Variants in SLC1A1 observed in about 807,000 individuals in gnomAD.
SLC1A1 encodes solute carrier family 1 member 1.
In SLC1A1, 43 loss-of-function variants were observed where a neutral mutation model predicts 53.3. The observed-to-expected ratio is 0.81, with a 90% CI of 0.63 to 1.04. The LOEUF (loss-of-function observed/expected upper bound fraction) is 1.04. SLC1A1 is among the 50% of genes least tolerant of loss of function. SLC1A1 has a pLI of 0.00. For missense variants in SLC1A1, 748 were observed against 664.9 expected (o/e 1.12, Z -1.37); for synonymous variants, 307 against 243.2 (o/e 1.26, Z -2.44).
At chr9:4,577,729 A>G (rs1257717018) in intron 10 of SLC1A1, among the ~76,000 whole-genome samples, 1 of 152,004 alleles carries the variant, frequency 6.6e-6, no homozygotes, top group Non-Finnish European at 1.5e-5. Flanking sequence ...CCCACCTCAG[A>G]CTCCCAAAGT....
chr9:4,514,613 G>A (rs566177396), intron 1 of SLC1A1, among the ~76,000 whole-genome samples: 20 of 152,172 alleles, frequency 1.3e-4, no homozygotes, highest in African/African-American at 4.1e-4. Flanking sequence ...AGACATGAGC[G>A]CAGGGCAGAA....
At chr9:4,571,806 G>A (rs12336560) in intron 6 of SLC1A1, among the ~76,000 whole-genome samples, 2,475 of 152,244 alleles carry the variant, frequency 0.016, 71 homozygotes, top group African/African-American at 0.056. Context: ...GTTCACACTG[G>A]TAAGTATTCT....
At chr9:4,521,588 C>G (rs187605091) in intron 1 of SLC1A1, among the ~76,000 whole-genome samples, 5 of 152,250 alleles carry the variant, frequency 3.3e-5, no homozygotes, top group Non-Finnish European at 7.4e-5. Context: ...CCATCATCAT[C>G]CAGGAAGAAT....
chr9:4,521,381 G>A (rs911695146), intron 1 of SLC1A1, among the ~76,000 whole-genome samples: 1 of 152,180 alleles, frequency 6.6e-6, no homozygotes, highest in Non-Finnish European at 1.5e-5. Flanking sequence ...TTTGTTTGGA[G>A]AGGGTTTTAC....
At chr9:4,498,613 G>A (rs1018829207) in intron 1 of SLC1A1, among the ~76,000 whole-genome samples, 9 of 151,776 alleles carry the variant, frequency 5.9e-5, no homozygotes, top group Non-Finnish European at 1.3e-4. Context: ...TTATGTTTAT[G>A]TATTTCTGAA....
At chr9:4,528,339 G>T (rs576629031) in intron 1 of SLC1A1, among the ~76,000 whole-genome samples, 1 of 152,166 alleles carries the variant, frequency 6.6e-6, no homozygotes, top group East Asian at 1.9e-4. Flanking sequence ...TTGGGAGGCC[G>T]AGGCAGGCAG....
At chr9:4,497,609 T>C (rs7032326) in intron 1 of SLC1A1, among the ~76,000 whole-genome samples, 39,655 of 152,106 alleles carry the variant, frequency 0.26, 5,257 homozygotes, top group East Asian at 0.44. Context: ...TAAATTCTCC[T>C]CTGCCTGTTT....
intron 10 of SLC1A1, among the ~76,000 whole-genome samples, chr9:4,579,767 A>C (rs1449269032): frequency 6.6e-6 from 1 of 152,212 alleles, no homozygotes; most frequent in African/African-American, 2.4e-5. Context: ...TTTTAGACCC[A>C]AAGTATATTT....
intron 1 of SLC1A1, among the ~76,000 whole-genome samples, chr9:4,513,163 A>C (rs916838935): frequency 8.5e-5 from 13 of 152,234 alleles, no homozygotes; most frequent in Admixed American, 5.2e-4. Context: ...AAAGAGATCT[A>C]GATGCCAAAG....
At chr9:4,531,863 A>G (rs1290289582) in intron 1 of SLC1A1, among the ~76,000 whole-genome samples, 1 of 152,172 alleles carries the variant, frequency 6.6e-6, no homozygotes, top group African/African-American at 2.4e-5. Flanking sequence ...CAAAATTTCC[A>G]GAGAAATGAT....
At chr9:4,569,609 G>T (rs960093977) in intron 6 of SLC1A1, among the ~76,000 whole-genome samples, 3 of 152,192 alleles carry the variant, frequency 2.0e-5, no homozygotes, top group African/African-American at 7.2e-5. Flanking sequence ...AAGGAGAAAA[G>T]GAGTGTTCAT....
At chr9:4,521,031 C>T (rs537875964) in intron 1 of SLC1A1, among the ~76,000 whole-genome samples, 57 of 152,134 alleles carry the variant, frequency 3.7e-4, no homozygotes, top group African/African-American at 1.2e-3. Context: ...TAATAATATT[C>T]GACATCTTTT....
chr9:4,547,430 T>C (rs1468074790), intron 2 of SLC1A1, among the ~76,000 whole-genome samples: 2 of 152,150 alleles, frequency 1.3e-5, no homozygotes, highest in Non-Finnish European at 2.9e-5. Context: ...AATGAAATAG[T>C]CAAAGATTCA....
chr9:4,494,860 C>G (rs984748732), intron 1 of SLC1A1, among the ~76,000 whole-genome samples: 3 of 152,140 alleles, frequency 2.0e-5, no homozygotes, highest in Admixed American at 1.3e-4. Context: ...TAATCTTTCT[C>G]TCCAGACCAG....
chr9:4,567,050 G>A (rs1234200938), intron 5 of SLC1A1, among the ~76,000 whole-genome samples: 1 of 152,186 alleles, frequency 6.6e-6, no homozygotes, highest in Non-Finnish European at 1.5e-5. Flanking sequence ...GCAGAGCCTG[G>A]TAGTGGGGGA....
Position 4,576,772 on chromosome 9 carries a change from T to C in SLC1A1, c.1193+9T>C. On this transcript the variant is annotated intron_variant, in intron 10 of 11. Transcript: ENST00000262352. ...CAGATCATCACCATCAGGTGGGGCA[T>C]GGTGTCACATTCATTGTCATCACTG... The C allele has an allele frequency of 6.2e-7, 1 of 1,612,282 alleles. No individual in the cohort carries two copies. Among genetic ancestry groups the C allele is most frequent in the Non-Finnish European group, 8.5e-7 (1 of 1,178,690 alleles).
intron 10 of SLC1A1, 75 bp downstream of exon 10, chr9:4,576,838 C>A: frequency 7.5e-7 from 1 of 1,330,286 alleles, no homozygotes; most frequent in Non-Finnish European, 1.1e-6. Flanking sequence ...CATGAAGGGA[C>A]ACCAAGAATG....
At chr9:4,582,748 C>G (rs1821215726) in intron 10 of SLC1A1, among the ~76,000 whole-genome samples, 1 of 152,170 alleles carries the variant, frequency 6.6e-6, no homozygotes, top group South Asian at 2.1e-4. Flanking sequence ...GAGTATCTCT[C>G]TTACTTATTT....
intron 1 of SLC1A1, among the ~76,000 whole-genome samples, chr9:4,537,092 T>C (rs1409316032): frequency 6.6e-6 from 1 of 151,940 alleles, no homozygotes; most frequent in Non-Finnish European, 1.5e-5. Flanking sequence ...TACCTAATGT[T>C]AAATGACGAG....
Sources: gnomAD v4.1 joint callset for allele counts (sites outside exome capture counted in the v4.1 genomes callset) on GRCh38, gnomAD v4.1.1 for gene constraint, MANE v1.5 for transcripts, NCBI Gene and HGNC (gene_info 2026-07-23, HGNC 2026-07-21) for gene names.